The following FNBP1L variants were observed in gnomAD, a reference collection of about 807,000 sequenced individuals.
FNBP1L encodes formin binding protein 1 like, also known as formin-binding protein 1-like.
A neutral mutation model predicts 91.2 loss-of-function variants in FNBP1L; 36 were observed. That is an observed-to-expected ratio of 0.39 (90% CI 0.30 to 0.52). The LOEUF (loss-of-function observed/expected upper bound fraction) is 0.52, where lower values mean the gene tolerates loss of function less well. Ranked by LOEUF, FNBP1L falls within the 20% of genes least tolerant of loss-of-function variation. FNBP1L has a pLI of 0.66. For missense variants in FNBP1L, 571 were observed against 732.1 expected (o/e 0.78, Z 2.54); for synonymous variants, 242 against 237.0 (o/e 1.02, Z -0.19).
intron 1 of FNBP1L, among the ~76,000 whole-genome samples, chr1:93,491,922 T>G (rs1345356288): frequency 6.6e-6 from 1 of 152,190 alleles, no homozygotes; most frequent in Non-Finnish European, 1.5e-5. Context: ...TAAAAAATGG[T>G]ATCTAAATAA....
chr1:93,537,958 T>G (rs746307539), intron 10 of FNBP1L, among the ~76,000 whole-genome samples: 7 of 152,110 alleles, frequency 4.6e-5, no homozygotes, highest in Non-Finnish European at 8.8e-5. Context: ...CTCCCAAAGT[T>G]CTGGGATTAC....
At chr1:93,477,026 A>G (rs912041392) in intron 1 of FNBP1L, among the ~76,000 whole-genome samples, 2 of 152,194 alleles carry the variant, frequency 1.3e-5, no homozygotes, top group African/African-American at 4.8e-5. Flanking sequence ...ATATTTGAAC[A>G]CAGGCAGCCT....
At chr1:93,462,979 A>G (rs775695957) in intron 1 of FNBP1L, among the ~76,000 whole-genome samples, 50 of 152,156 alleles carry the variant, frequency 3.3e-4, no homozygotes, top group South Asian at 1.2e-3. Context: ...TCCTCCATCT[A>G]TTTATTCATC....
Position 93,536,472 on chromosome 1 carries a change from C to G in FNBP1L, c.1131C>G (p.Phe377Leu). 1 of 1,549,364 alleles carries G rather than the reference C, an allele frequency of 6.5e-7. No individual in the cohort carries two copies. The highest frequency in any genetic ancestry group is 8.7e-7 in the Non-Finnish European group (1 of 1,145,770). Residue 377 changes from phenylalanine to leucine, a missense_variant, in exon 10 of 17, where the codon TTC becomes TTG. Physicochemically the swap from Phe to Leu is conservative, Grantham distance 22. This residue lies in a region of FNBP1L where 150 missense variants were observed against 155.9 expected (regional missense o/e 0.96). Coordinates refer to ENST00000271234, the MANE Select transcript of FNBP1L (RefSeq NM_001164473.3). Reference protein sequence around the residue: ...IKTGKPRIPSFRSLKRGWSVK... With the variant: ...IKTGKPRIPSLRSLKRGWSVK... ...CAGGGAAGCCCAGAATTCCTTCTTTCAGAAGCCTCAAAAGAGGGGTAAGTT... is the reference window on the plus strand; with the variant it reads ...CAGGGAAGCCCAGAATTCCTTCTTTGAGAAGCCTCAAAAGAGGGGTAAGTT...
At chr1:93,503,822 G>A (rs1171770031) in intron 2 of FNBP1L, among the ~76,000 whole-genome samples, 1 of 152,094 alleles carries the variant, frequency 6.6e-6, no homozygotes, top group Non-Finnish European at 1.5e-5. Flanking sequence ...GTAAAAAAAG[G>A]AGCCATATAT....
chr1:93,504,955 A>AT lies in FNBP1L; in HGVS notation c.140+5380dup, dbSNP rs562789312. Among the ~76,000 whole-genome samples the AT allele has an allele frequency of 3.7e-3, 561 of 151,200 alleles. 2 individuals carry two copies. The highest frequency in any genetic ancestry group is 0.017 in the South Asian group (80 of 4,772). On this transcript the variant is annotated intron_variant, in intron 2 of 16. Coordinates refer to ENST00000271234, the MANE Select transcript of FNBP1L (RefSeq NM_001164473.3). ...ATTTTGATGTAGTTTATCTATTTTT[A>AT]TTTTTTTTGCCTTTTTGTGTCATAT...
chr1:93,469,801 T>G (rs774440187), intron 1 of FNBP1L, among the ~76,000 whole-genome samples: 2 of 151,894 alleles, frequency 1.3e-5, no homozygotes, highest in Non-Finnish European at 2.9e-5. Context: ...CAAGATCTTG[T>G]CTCTAAGAAA....
chr1:93,505,110 CTTT>C (rs61426757), intron 2 of FNBP1L, among the ~76,000 whole-genome samples: 2 of 125,218 alleles, frequency 1.6e-5, no homozygotes, highest in Admixed American at 8.5e-5. Context: ...CAGCTTCATT[CTTT>C]TTTTTTTTTT....
chr1:93,484,001 T>C (rs1235426414), intron 1 of FNBP1L, among the ~76,000 whole-genome samples: 3 of 152,234 alleles, frequency 2.0e-5, no homozygotes, highest in Non-Finnish European at 4.4e-5. Context: ...TGATCTTGGC[T>C]CACCACAACT....
At chr1:93,475,658 G>A (rs920577154) in intron 1 of FNBP1L, among the ~76,000 whole-genome samples, 2 of 152,176 alleles carry the variant, frequency 1.3e-5, no homozygotes, top group Admixed American at 1.3e-4. Flanking sequence ...TTTTGCATAA[G>A]TGTAAATGTT....
chr1:93,516,494 C>G (rs1671121858), intron 2 of FNBP1L, among the ~76,000 whole-genome samples: 1 of 152,134 alleles, frequency 6.6e-6, no homozygotes, highest in Non-Finnish European at 1.5e-5. Context: ...CCCTTGACCA[C>G]TAATAAACTG....
In FNBP1L at chr1:93,514,166, A is replaced by G. The variant is rs577078773; in HGVS notation, c.141-7916A>G. Among the ~76,000 whole-genome samples, 93 of 152,330 alleles carry G rather than the reference A, an allele frequency of 6.1e-4. 1 individual carries two copies. The highest frequency in any genetic ancestry group is 1.8e-3 in the African/African-American group (76 of 41,560). On this transcript the variant is annotated intron_variant, in intron 2 of 16. Coordinates refer to ENST00000271234, the MANE Select transcript of FNBP1L (RefSeq NM_001164473.3). ...AATCATGAGTGAACTCCCATTCACAATTGCTTCAAAGGGAATAAAATACCT... is the reference window on the plus strand; with the variant it reads ...AATCATGAGTGAACTCCCATTCACAGTTGCTTCAAAGGGAATAAAATACCT...
chr1:93,517,085 G>A (rs1193245547), intron 2 of FNBP1L, among the ~76,000 whole-genome samples: 2 of 149,810 alleles, frequency 1.3e-5, no homozygotes, highest in Non-Finnish European at 3.0e-5. Flanking sequence ...TGTCGCCCAG[G>A]TTGGAGTGCA....
chr1:93,548,114 C>T (rs568480792), intron 14 of FNBP1L, among the ~76,000 whole-genome samples: 60 of 152,154 alleles, frequency 3.9e-4, no homozygotes, highest in African/African-American at 1.4e-3. Context: ...GTAAATAATA[C>T]ACATAAAGCA....
chr1:93,455,964 C>T (rs138473003), intron 1 of FNBP1L, among the ~76,000 whole-genome samples: 90 of 152,286 alleles, frequency 5.9e-4, no homozygotes, highest in Middle Eastern at 3.4e-3. Flanking sequence ...GGGATGCCGT[C>T]GGGCATTGTG....
At chr1:93,463,463 G>A (rs1668967388) in intron 1 of FNBP1L, among the ~76,000 whole-genome samples, 1 of 152,168 alleles carries the variant, frequency 6.6e-6, no homozygotes, top group Non-Finnish European at 1.5e-5. Context: ...AAAACCATAA[G>A]TTGGGGACCG....
At chr1:93,472,927 CAT>C (rs1279026696) in intron 1 of FNBP1L, among the ~76,000 whole-genome samples, 1 of 149,094 alleles carries the variant, frequency 6.7e-6, no homozygotes, top group African/African-American at 2.5e-5. Flanking sequence ...CTGTGGGACT[CAT>C]GGAAGAAATT....
intron 13 of FNBP1L, 132 bp downstream of exon 13, chr1:93,547,106 G>T (rs941006482): frequency 2.7e-6 from 3 of 1,108,008 alleles, no homozygotes; most frequent in South Asian, 1.5e-5. Flanking sequence ...AAGTATTATT[G>T]TGATGTGTGT....
chr1:93,516,363 A>C (rs1214610873), intron 2 of FNBP1L, among the ~76,000 whole-genome samples: 1 of 152,150 alleles, frequency 6.6e-6, no homozygotes, highest in East Asian at 1.9e-4. Flanking sequence ...ACCTGTTAAA[A>C]GCTCCCTCCT....
Sources: allele counts gnomAD v4.1 joint callset (sites outside exome capture counted in the v4.1 genomes callset), GRCh38; gene constraint gnomAD v4.1.1; regional missense constraint gnomAD v4.1.1; transcripts MANE v1.5; gene names NCBI Gene and HGNC (gene_info 2026-07-23, HGNC 2026-07-21).